WHAMM: variants seen among roughly 807,000 people sequenced by gnomAD.
WHAMM encodes the protein WASP homolog-associated protein with actin, membranes and microtubules.
A neutral mutation model predicts 76.5 loss-of-function variants in WHAMM; 67 were observed. That is an observed-to-expected ratio of 0.88 (90% confidence interval 0.72 to 1.07). The LOEUF (loss-of-function observed/expected upper bound fraction) is 1.07, where lower values mean the gene tolerates loss of function less well. WHAMM is among the 50% of genes least tolerant of loss of function. The pLI is 0.00. For synonymous variants in WHAMM, 419 were observed against 422.1 expected, an observed-to-expected ratio of 0.99 and a Z score of 0.09; for missense variants, 1,021 against 1,051.1, an observed-to-expected ratio of 0.97 and a Z score of 0.40.
At chr15:82,810,790 GTGTTT>G (rs758442025) in intron 1 of WHAMM, 11 of 980,986 alleles carry the variant, frequency 1.1e-5, no homozygotes, top group Admixed American at 1.2e-4. Context: ...AGGAGATAGG[GTGTTT>G]TGTTTTAAGT....
chr15:82,826,568 G>A, intron 7 of WHAMM, 72 bp downstream of exon 7: 1 of 1,588,924 alleles, frequency 6.3e-7, no homozygotes, highest in South Asian at 1.1e-5. Context: ...TGTGGAAACT[G>A]GAGTTGCGCT....
chr15:82,822,217 G>A (rs2050840226), intron 5 of WHAMM, among the ~76,000 whole-genome samples: 2 of 152,226 alleles, frequency 1.3e-5, no homozygotes, highest in South Asian at 2.1e-4. Context: ...ATAATATATT[G>A]CTGGTAGAAT....
chr15:82,826,292 CTAA>C, intron 6 of WHAMM, 115 bp from the exon 7 acceptor site: 2 of 1,046,520 alleles, frequency 1.9e-6, no homozygotes, highest in Non-Finnish European at 2.9e-6. Context: ...CGCTCCAGAA[CTAA>C]TATTAATGAA....
rs1413744307 is a variant in WHAMM, at chr15:82,833,793, G to A, written c.*257G>A. 4.4e-6 allele frequency: 2 copies of A among 453,000 alleles called. No individual in the cohort carries two copies. The highest frequency in any genetic ancestry group is 8.0e-6 in the Non-Finnish European group (2 of 250,534). The allele number at this position is 453,000 out of a possible 1,614,324, so 28.1% of individuals were successfully genotyped here. ...CAAGCTCCGCTTCCCAGGCTGGGGT[G>A]CAGTGGTGCGATCTTGGCTCACTGC... On this transcript the variant is annotated 3_prime_UTR_variant, in exon 10 of 10. Transcript: ENST00000286760.
At position 82,833,520 on chromosome 15, in the gene WHAMM, G is replaced by T. The variant is rs752244443; in HGVS notation, c.2414G>T (p.Gly805Val). 6.2e-7 allele frequency: 1 copy of T among 1,613,486 alleles called. No individual in the cohort carries two copies. Among genetic ancestry groups the T allele is most frequent in the African/African-American group, 1.3e-5 (1 of 75,042 alleles). The change falls in exon 10 of 10, where the codon GGC becomes GTC. Residue 805 changes from glycine to valine, a missense_variant. By Grantham distance (109) the Gly-to-Val change is moderately radical. Coordinates refer to ENST00000286760, the MANE Select transcript of WHAMM (RefSeq NM_001080435.3). ...SEEDSDEQDP[G>V]QWDG is the part of the protein sequence containing the mutation. ...GAGGACAGTGATGAGCAGGACCCTG[G>T]CCAGTGGGATGGTTAGGCTCAAGTT...
rs866049672 is a variant in WHAMM at position 82,834,890 on chromosome 15, G to A, written c.*1354G>A. 1 of 152,028 alleles carries A rather than the reference G, an allele frequency of 6.6e-6. No individual in the cohort carries two copies. The highest frequency in any genetic ancestry group is 1.5e-5 in the Non-Finnish European group (1 of 68,014). The allele number at this position is 152,028 out of a possible 1,614,324, so 9.4% of individuals were successfully genotyped here. ...TGGAGCAATAGTGTTATTTTCCTCA[G>A]GAACTGAAGTCTCATGCTGAAGTAT... On this transcript the variant is annotated 3_prime_UTR_variant, in exon 10 of 10. Coordinates refer to ENST00000286760, the MANE Select transcript of WHAMM (RefSeq NM_001080435.3).
rs549580705 is a variant in WHAMM, at chr15:82,816,847, T to C, written c.934+5T>C. ...AGACAGTAAAAGCATTAGCAGGTGATAATTTAAAAAATGCTATATGAAGAT... is the reference window on the plus strand; with the variant it reads ...AGACAGTAAAAGCATTAGCAGGTGACAATTTAAAAAATGCTATATGAAGAT... On this transcript the variant is annotated splice_donor_5th_base_variant and intron_variant, in intron 3 of 9. Transcript: ENST00000286760. 6.5e-7 allele frequency: 1 copy of C among 1,549,590 alleles called. No individual in the cohort carries two copies. The highest frequency in any genetic ancestry group is 8.7e-7 in the Non-Finnish European group (1 of 1,148,154).
intron 1 of WHAMM, among the ~76,000 whole-genome samples, chr15:82,812,692 TAA>T (rs2050650595): frequency 6.6e-6 from 1 of 152,110 alleles, no homozygotes; most frequent in African/African-American, 2.4e-5. Context: ...TTTAATATTA[TAA>T]AAGTGTCTTT....
chr15:82,832,643 C>T (rs2051048906), intron 9 of WHAMM, among the ~76,000 whole-genome samples: 1 of 152,192 alleles, frequency 6.6e-6, no homozygotes, highest in South Asian at 2.1e-4. Flanking sequence ...AATGTGCCAG[C>T]ACCACCCCTC....
At position 82,831,065 on chromosome 15, in the gene WHAMM, G is replaced by A. The variant is rs1566999455; in HGVS notation, c.2108G>A (p.Ser703Asn). ...PAERPRDSLE[S>N]FSCPGSMDEV... Reference sequence around the variant, plus strand: ...GAGCGACCACGTGACTCCTTGGAAAGTTTTTCATGTCCAGGTAATCCACTG... The same window carrying A: ...GAGCGACCACGTGACTCCTTGGAAAATTTTTCATGTCCAGGTAATCCACTG... Residue 703 changes from serine (S) to asparagine (N), a missense_variant, in exon 9 of 10, where the codon AGT becomes AAT. Ser to Asn is a conservative substitution (Grantham distance 46). Transcript: ENST00000286760. 1 of 1,606,570 alleles carries A rather than the reference G, an allele frequency of 6.2e-7. No homozygotes were observed. Among genetic ancestry groups the A allele is most frequent in the Admixed American group, 1.7e-5 (1 of 60,008 alleles).
intron 2 of WHAMM, among the ~76,000 whole-genome samples, chr15:82,815,575 G>A (rs190164691): frequency 6.6e-6 from 1 of 152,264 alleles, no homozygotes; most frequent in African/African-American, 2.4e-5. Flanking sequence ...TCTTGTGTAT[G>A]TACTAAGGAG....
chr15:82,809,649 C>T lies in WHAMM; in HGVS notation c.-78C>T. On this transcript the variant is annotated 5_prime_UTR_variant, in exon 1 of 10. Coordinates refer to ENST00000286760, the MANE Select transcript of WHAMM (RefSeq NM_001080435.3). ...GATTCTAGCGAAAAATGATTTGGCT[C>T]GGACTGTCCCGTGACAGGCGGTGCG... 4.1e-6 allele frequency: 5 copies of T among 1,211,722 alleles called. No individual in the cohort carries two copies. The highest frequency in any genetic ancestry group is 4.3e-5 in the South Asian group (2 of 46,480). 75.1% of individuals were successfully genotyped at this position (1,211,722 alleles called of 1,614,324 possible).
chr15:82,810,188 CGCGGCGGCCGACGGCT>C lies in WHAMM; in HGVS notation c.471_486del (p.Asp158ProfsTer53). 3 of 1,404,416 alleles carry C rather than the reference CGCGGCGGCCGACGGCT, an allele frequency of 2.1e-6. No homozygotes were observed. The highest frequency in any genetic ancestry group is 2.8e-6 in the Non-Finnish European group (3 of 1,075,508). The allele number at this position is 1,404,416 out of a possible 1,614,324, so 87.0% of individuals were successfully genotyped here. On this transcript the variant is annotated frameshift_variant, in exon 1 of 10. Transcript: ENST00000286760. LOFTEE classifies it high-confidence loss of function. Reference sequence around the variant, plus strand: ...GCGGGCAGCTGGAACGCTATCTGGGCGCGGCGGCCGACGGCTGCGGCGGCGCCACAGTGCGCGACGC... The same window carrying C: ...GCGGGCAGCTGGAACGCTATCTGGGCGCGGCGGCGCCACAGTGCGCGACGC...
At chr15:82,830,235 G>A (rs1044808461) in intron 8 of WHAMM, among the ~76,000 whole-genome samples, 5 of 147,712 alleles carry the variant, frequency 3.4e-5, no homozygotes, top group Non-Finnish European at 4.5e-5. Flanking sequence ...CTCTGTCGCC[G>A]GCTACTTAAT....
rs1766264465 is a variant in WHAMM at position 82,810,027 on chromosome 15, CTG to C, written c.302_303del (p.Leu101ArgfsTer72). The C allele has an allele frequency of 9.7e-6, 12 of 1,234,896 alleles. No individual in the cohort carries two copies. The highest frequency in any genetic ancestry group is 1.1e-5 in the Non-Finnish European group (11 of 992,272). The allele number at this position is 1,234,896 out of a possible 1,614,324, so 76.5% of individuals were successfully genotyped here. ...HRQLAALWPPLERCFPRLPPE... is the reference protein window; with the variant it reads ...HRQLAALWPPXERCFPRLPPE... ...GCAGTTGGCGGCGCTGTGGCCGCCT[CTG>C]GAGCGCTGCTTCCCGCGGCTGCCGC... On this transcript the variant is annotated frameshift_variant, in exon 1 of 10. Transcript: ENST00000286760. LOFTEE classifies it high-confidence loss of function.
At chr15:82,818,144 C>T (rs1160610242) in intron 4 of WHAMM, 55 bp downstream of exon 4, 3 of 1,502,280 alleles carry the variant, frequency 2.0e-6, no homozygotes, top group African/African-American at 1.4e-5. Context: ...ATTTTTAAAA[C>T]ATTTTGTATA....
intron 3 of WHAMM, among the ~76,000 whole-genome samples, 153 bp from the exon 4 acceptor site, chr15:82,817,767 T>C (rs1201293909): frequency 4.6e-5 from 7 of 152,220 alleles, no homozygotes; most frequent in Non-Finnish European, 1.0e-4. Context: ...AATGAACATG[T>C]ATTATTTTTA....
intron 6 of WHAMM, among the ~76,000 whole-genome samples, chr15:82,823,522 C>T (rs1157527128): frequency 6.6e-6 from 1 of 151,942 alleles, no homozygotes; most frequent in African/African-American, 2.4e-5. Flanking sequence ...ATTCATTCAA[C>T]AACTATTTGT....
At chr15:82,826,350 T>G in intron 6 of WHAMM, 60 bp from the exon 7 acceptor site, 4 of 1,572,498 alleles carry the variant, frequency 2.5e-6, no homozygotes, top group Non-Finnish European at 3.5e-6. Context: ...TCTTTTAATC[T>G]TTTATGCTAT....
Sources: allele counts gnomAD v4.1 joint callset (sites outside exome capture counted in the v4.1 genomes callset), GRCh38; gene constraint gnomAD v4.1.1; transcripts MANE v1.5; gene names NCBI Gene and HGNC (gene_info 2026-07-23, HGNC 2026-07-21).